NRTN: variants seen among roughly 807,000 people sequenced by gnomAD.
NRTN encodes prepro-neurturin.
NRTN carries 3 observed loss-of-function variants against 7.5 expected under a neutral mutation model. That is an observed-to-expected ratio of 0.40 (90% confidence interval 0.18 to 1.03). The LOEUF is 1.03. NRTN is among the 50% of genes least tolerant of loss of function. The probability of loss-of-function intolerance (pLI) is 0.34; values close to 1 mark genes in which losing one functional copy is unlikely to be tolerated. For synonymous variants in NRTN, 157 were observed against 146.6 expected, an observed-to-expected ratio of 1.07 and a Z score of -0.51; for missense variants, 310 against 307.0, an observed-to-expected ratio of 1.01 and a Z score of -0.07.
chr19:5,813,738 G>C (rs2056997352), intron 1 of NRTN, among the ~76,000 whole-genome samples: 3 of 151,950 alleles, frequency 2.0e-5, no homozygotes, highest in Admixed American at 6.6e-5. Flanking sequence ...TACTCGGGAG[G>C]CTGAGACAGG....
At chr19:5,825,816 G>A (rs889959914) in intron 2 of NRTN, among the ~76,000 whole-genome samples, 19 of 152,226 alleles carry the variant, frequency 1.2e-4, no homozygotes. Context: ...CCGCTGCAGG[G>A]AGGCAGGGAC....
rs2057036135 is a variant in NRTN, at chr19:5,824,113, C to T, written c.-53C>T. On this transcript the variant is annotated 5_prime_UTR_variant, in exon 2 of 3. Coordinates refer to ENST00000303212, the MANE Select transcript of NRTN (RefSeq NM_004558.5). ...CCCAGCGCCCTGTGCCCGTTGGCTG[C>T]TGGAGGGACAGACGGGGCGTGCGGC... 1 of 1,598,362 alleles carries T rather than the reference C, an allele frequency of 6.3e-7. No homozygotes were observed. Among genetic ancestry groups the T allele is most frequent in the Admixed American group, 1.7e-5 (1 of 59,974 alleles).
intron 1 of NRTN, among the ~76,000 whole-genome samples, chr19:5,807,912 C>A (rs543036072): frequency 6.6e-6 from 1 of 152,164 alleles, no homozygotes; most frequent in Non-Finnish European, 1.5e-5. Context: ...GCAAGACCCC[C>A]TCTCTACCAA....
chr19:5,823,758 GGCT>G lies in NRTN; in HGVS notation c.-398-9_-398-7del. On this transcript the variant is annotated splice_region_variant and splice_polypyrimidine_tract_variant and intron_variant, in intron 1 of 2. Coordinates refer to ENST00000303212, the MANE Select transcript of NRTN (RefSeq NM_004558.5). ...CTCTCCTCCTTTCACTCTTCCCCCT[GGCT>G]CCTCAGCTGCAGCCGCTCCGGCCTC... 1 of 336,106 alleles carries G rather than the reference GGCT, an allele frequency of 3.0e-6. No homozygotes were observed. Among genetic ancestry groups the G allele is most frequent in the Non-Finnish European group, 5.7e-6 (1 of 175,878 alleles). 20.8% of individuals were successfully genotyped at this position (336,106 alleles called of 1,614,324 possible).
intron 2 of NRTN, among the ~76,000 whole-genome samples, chr19:5,825,514 C>T (rs1449708467): frequency 6.6e-6 from 1 of 152,254 alleles, no homozygotes; most frequent in Non-Finnish European, 1.5e-5. Context: ...CCACTTCTGT[C>T]CTCCCACCAC....
Position 5,824,354 on chromosome 19 carries a change from G to A in NRTN, c.169+20G>A, listed in dbSNP as rs982642476. ...CCCAGTGTAAGCTCCTCCTCTGTGT[G>A]GGGTCAGATACCCCCAACGTAAGGG... On this transcript the variant is annotated intron_variant, in intron 2 of 2. Coordinates refer to ENST00000303212, the MANE Select transcript of NRTN (RefSeq NM_004558.5). 2 of 1,587,778 alleles carry A rather than the reference G, an allele frequency of 1.3e-6. No individual in the cohort carries two copies. The highest frequency in any genetic ancestry group is 2.3e-5 in the East Asian group (1 of 44,140).
intron 1 of NRTN, among the ~76,000 whole-genome samples, chr19:5,807,028 G>A (rs1399205573): frequency 1.3e-5 from 2 of 152,220 alleles, no homozygotes; most frequent in African/African-American, 4.8e-5. Context: ...GAGTGGGGAT[G>A]GAGGGCTCTA....
In NRTN at chr19:5,827,801, G is replaced by A; in HGVS notation, c.222G>A (p.Thr74=). The part of the protein sequence containing the change: ...APDAMELREL[T]PWAGRPPGPR... ...ATGCGATGGAGCTGCGCGAGCTGAC[G>A]CCCTGGGCTGGGCGGCCCCCAGGTC... Residue 74 remains threonine, a synonymous_variant, in exon 3 of 3, where the codon ACG becomes ACA. Coordinates refer to ENST00000303212, the MANE Select transcript of NRTN (RefSeq NM_004558.5). 2 of 1,189,442 alleles carry A rather than the reference G, an allele frequency of 1.7e-6. No homozygotes were observed. Among genetic ancestry groups the A allele is most frequent in the Non-Finnish European group, 1.0e-6 (1 of 960,182 alleles). 73.7% of individuals were successfully genotyped at this position (1,189,442 alleles called of 1,614,324 possible).
chr19:5,823,035 A>AAG (rs35933326), intron 1 of NRTN, among the ~76,000 whole-genome samples: 2 of 149,642 alleles, frequency 1.3e-5, no homozygotes, highest in Admixed American at 6.7e-5. Flanking sequence ...AAAAAAAAGA[A>AAG]AGAGAGAGAG....
chr19:5,820,302 C>T lies in NRTN; in HGVS notation c.-398-3466C>T, dbSNP rs1163223802. Among the ~76,000 whole-genome samples, 7 of 142,278 alleles carry T rather than the reference C, an allele frequency of 4.9e-5. No individual in the cohort carries two copies. In the East Asian group the frequency reaches 1.0e-3, roughly 21 times the overall value. The allele number at this position is 142,278 out of a possible 152,430, so 93.3% of individuals were successfully genotyped here. ...AAAAAAATTGCCGGGCACGGTGGCT[C>T]ACGCCTGTAATCCCAGCACTTTTGG... On this transcript the variant is annotated intron_variant, in intron 1 of 2. Coordinates refer to ENST00000303212, the MANE Select transcript of NRTN (RefSeq NM_004558.5).
rs2057057126 is a variant in NRTN, at chr19:5,828,245, G to C, written c.*72G>C. 1 of 1,482,724 alleles carries C rather than the reference G, an allele frequency of 6.7e-7. No individual in the cohort carries two copies. The highest frequency in any genetic ancestry group is 1.2e-5 in the South Asian group (1 of 80,708). The allele number at this position is 1,482,724 out of a possible 1,614,324, so 91.8% of individuals were successfully genotyped here. ...GGCACCACTGGCCGGCCCCGCGAAA[G>C]ACTGCGCGTGCGTAGAGCACGCCGG... On this transcript the variant is annotated 3_prime_UTR_variant, in exon 3 of 3. Coordinates refer to ENST00000303212, the MANE Select transcript of NRTN (RefSeq NM_004558.5).
chr19:5,814,195 C>T (rs76708459), intron 1 of NRTN, among the ~76,000 whole-genome samples: 4 of 152,162 alleles, frequency 2.6e-5, no homozygotes, highest in Admixed American at 6.6e-5. Flanking sequence ...AAAACTCAGC[C>T]GAAGATGTCC....
intron 1 of NRTN, among the ~76,000 whole-genome samples, chr19:5,814,831 G>T (rs2057000125): frequency 6.6e-6 from 1 of 152,086 alleles, no homozygotes; most frequent in Admixed American, 6.6e-5. Context: ...GGTCCTTCTT[G>T]CTGCACCTCA....
chr19:5,815,992 G>A (rs1237778903), intron 1 of NRTN, among the ~76,000 whole-genome samples: 3 of 152,000 alleles, frequency 2.0e-5, no homozygotes, highest in South Asian at 2.1e-4. Context: ...TGATCCACCC[G>A]CCTTGGCCTC....
chr19:5,811,606 C>T (rs2056990696), intron 1 of NRTN, among the ~76,000 whole-genome samples: 1 of 152,144 alleles, frequency 6.6e-6, no homozygotes, highest in South Asian at 2.1e-4. Flanking sequence ...GATCTTGGCT[C>T]ACTGCAACCT....
chr19:5,816,513 G>C (rs1053505078), intron 1 of NRTN, among the ~76,000 whole-genome samples: 1 of 152,052 alleles, frequency 6.6e-6, no homozygotes, highest in Non-Finnish European at 1.5e-5. Context: ...TGAGTAGCTG[G>C]GATGACAGGC....
At chr19:5,821,294 C>CTTTTTTTT in intron 1 of NRTN, among the ~76,000 whole-genome samples, 1 of 49,180 alleles carries the variant, frequency 2.0e-5, no homozygotes, top group Non-Finnish European at 3.5e-5. Context: ...CAGTGCCTAG[C>CTTTTTTTT]TTTTTTTTTT....
At chr19:5,820,316 C>G (rs921643114) in intron 1 of NRTN, among the ~76,000 whole-genome samples, 17 of 145,508 alleles carry the variant, frequency 1.2e-4, no homozygotes, top group African/African-American at 3.8e-4. Context: ...CCTGTAATCC[C>G]AGCACTTTTG....
chr19:5,827,848 G>A lies in NRTN; in HGVS notation c.269G>A (p.Arg90Gln), dbSNP rs2057053375. The A allele has an allele frequency of 2.6e-6, 3 of 1,173,474 alleles. No homozygotes were observed. Among genetic ancestry groups the A allele is most frequent in the South Asian group, 4.1e-5 (1 of 24,276 alleles). The allele number at this position is 1,173,474 out of a possible 1,614,324, so 72.7% of individuals were successfully genotyped here. A position where few individuals can be genotyped will look rare whatever the true frequency, so the allele number is the denominator to read the frequency against. The change falls in exon 3 of 3, where the codon CGG (arginine) becomes CAG (glutamine). Residue 90 changes from arginine (R) to glutamine (Q), a missense_variant. Physicochemically the swap from Arg to Gln is conservative, Grantham distance 43 (BLOSUM62 1). Coordinates refer to ENST00000303212, the MANE Select transcript of NRTN (RefSeq NM_004558.5). ...GGTCCGCGCCGTCGGGCGGGGCCCC[G>A]GCGGCGGCGCGCGCGTGCGCGGTTG... is the stretch of plus-strand genomic sequence containing the variant. ...PPGPRRRAGP[R>Q]RRRARARLGA...
Sources: gnomAD v4.1 joint callset for allele counts (sites outside exome capture counted in the v4.1 genomes callset) on GRCh38, gnomAD v4.1.1 for gene constraint, MANE v1.5 for transcripts, NCBI Gene and HGNC (gene_info 2026-07-23, HGNC 2026-07-21) for gene names.